Variants in CHI3L2 observed in about 807,000 individuals in gnomAD.
The protein encoded by CHI3L2 is chitinase-3-like protein 2.
A neutral mutation model predicts 47.3 loss-of-function variants in CHI3L2; 47 were observed. That is an observed-to-expected ratio of 0.99 (90% CI 0.79 to 1.27). The LOEUF (loss-of-function observed/expected upper bound fraction) is 1.27. CHI3L2 is among the 50% of genes most tolerant of loss of function. The pLI is 0.00. For synonymous variants in CHI3L2, 198 were observed against 169.9 expected (o/e 1.17, Z -1.28); for missense variants, 497 against 462.1 (o/e 1.08, Z -0.69).
In CHI3L2 at chr1:111,241,526, G is replaced by T. The variant is rs2764551; in HGVS notation, c.1035+83G>T. The T allele has an allele frequency of 1.4e-4, 108 of 755,392 alleles. No individual in the cohort carries two copies. The African/African-American group carries it at 1.7e-3, about 12-fold the overall frequency. The allele number at this position is 755,392 out of a possible 1,614,324, so 46.8% of individuals were successfully genotyped here. ...TGCCTGAATACTCTATGTTCAAAGA[G>T]AGAAGCTTCTGAGGCCCCAGACTCT... is the stretch of plus-strand genomic sequence containing the variant. On this transcript the variant is annotated intron_variant, in intron 9 of 10. Transcript: ENST00000369748.
intron 7 of CHI3L2, among the ~76,000 whole-genome samples, chr1:111,237,075 G>T (rs1164022394): frequency 3.9e-5 from 6 of 152,210 alleles, no homozygotes; most frequent in African/African-American, 1.4e-4. Flanking sequence ...CTTAGGTTTT[G>T]CAACAGTGAT....
intron 4 of CHI3L2, among the ~76,000 whole-genome samples, chr1:111,231,741 G>A (rs949825277): frequency 1.3e-5 from 2 of 152,210 alleles, no homozygotes; most frequent in East Asian, 1.9e-4. Context: ...CAATGTCTGG[G>A]ATCATGGCTG....
intron 1 of CHI3L2, among the ~76,000 whole-genome samples, chr1:111,228,858 G>T (rs1311321184): frequency 2.6e-5 from 4 of 152,306 alleles, no homozygotes; most frequent in African/African-American, 9.6e-5. Context: ...GGATCCAGGG[G>T]TCTGCTCTTT....
chr1:111,242,163 T>C (rs1324645360), intron 9 of CHI3L2, 64 bp from the exon 10 acceptor site: 4 of 1,605,478 alleles, frequency 2.5e-6, no homozygotes, highest in African/African-American at 1.3e-5. Flanking sequence ...CTGAACCTGA[T>C]ATGGTCCTGG....
rs200826910 is a variant in CHI3L2 at position 111,236,079 on chromosome 1, C to T, written c.661C>T (p.Pro221Ser). Reference protein sequence around the residue: ...SFDFHGSWEKPLITGHNSPLS... With the variant: ...SFDFHGSWEKSLITGHNSPLS... ...TGACTTCCATGGGTCTTGGGAAAAGCCCCTTATCACTGGCCACAACAGCCC... is the reference window on the plus strand; with the variant it reads ...TGACTTCCATGGGTCTTGGGAAAAGTCCCTTATCACTGGCCACAACAGCCC... The change falls in exon 7 of 11, where the codon CCC (proline) becomes TCC (serine). Residue 221 changes from proline to serine, a missense_variant. By Grantham distance (74) the Pro-to-Ser change is moderately conservative (BLOSUM62 -1). Coordinates refer to ENST00000369748, the MANE Select transcript of CHI3L2 (RefSeq NM_004000.3). 4.0e-5 allele frequency: 64 copies of T among 1,614,214 alleles called. 1 individual carries two copies. The Admixed American group carries it at 1.0e-3, about 26-fold the overall frequency.
Position 111,238,838 on chromosome 1 carries a change from T to C in CHI3L2, c.824T>C (p.Leu275Pro). 6.2e-7 allele frequency: 1 copy of C among 1,614,018 alleles called. No individual in the cohort carries two copies. The highest frequency in any genetic ancestry group is 1.1e-5 in the South Asian group (1 of 91,046). ...CCCACATATGGGCACTCCTTCACACTGGCCTCTGCAGAAACCACCGTGGGG... is the reference window on the plus strand; with the variant it reads ...CCCACATATGGGCACTCCTTCACACCGGCCTCTGCAGAAACCACCGTGGGG... ...GIPTYGHSFTLASAETTVGAP... is the reference protein window; with the variant it reads ...GIPTYGHSFTPASAETTVGAP... Residue 275 changes from leucine (L) to proline (P), a missense_variant, in exon 8 of 11, where the codon CTG becomes CCG. Physicochemically the swap from Leu to Pro is moderately conservative, Grantham distance 98. Coordinates refer to ENST00000369748, the MANE Select transcript of CHI3L2 (RefSeq NM_004000.3).
chr1:111,240,292 G>T (rs950345566), intron 8 of CHI3L2, among the ~76,000 whole-genome samples: 2 of 152,172 alleles, frequency 1.3e-5, no homozygotes, highest in African/African-American at 4.8e-5. Flanking sequence ...CTTACACATA[G>T]GAATGATTGG....
Position 111,235,018 on chromosome 1 carries a change from A to G in CHI3L2, c.441A>G (p.Pro147=), listed in dbSNP as rs1659836868. ...GACTGGATGTAAGCTGGATCTACCC[A>G]GATCAGAAAGAAAACACTCATTTCA... ...FDGLDVSWIY[P]DQKENTHFTV... Residue 147 remains proline, a synonymous_variant, in exon 5 of 11, where the codon CCA becomes CCG. Coordinates refer to ENST00000369748, the MANE Select transcript of CHI3L2 (RefSeq NM_004000.3). The G allele has an allele frequency of 3.1e-6, 5 of 1,614,150 alleles. No individual in the cohort carries two copies. The East Asian group carries it at 1.1e-4, about 36-fold the overall frequency.
rs752169231 is a variant in CHI3L2 at position 111,236,122 on chromosome 1, A to G, written c.704A>G (p.Gln235Arg). 1.2e-5 allele frequency: 19 copies of G among 1,614,206 alleles called. 1 individual carries two copies. The South Asian group carries it at 1.9e-4, about 16-fold the overall frequency. Residue 235 changes from glutamine (Q) to arginine (R), a missense_variant, in exon 7 of 11, where the codon CAG becomes CGG. Coordinates refer to ENST00000369748, the MANE Select transcript of CHI3L2 (RefSeq NM_004000.3). ...AACAGCCCTCTGAGCAAGGGGTGGC[A>G]GGACAGAGGGCCAAGCTCCTACTAC... ...GHNSPLSKGW[Q>R]DRGPSSYYNV...
intron 5 of CHI3L2, 81 bp downstream of exon 5, chr1:111,235,138 A>G (rs1238642567): frequency 7.0e-7 from 1 of 1,434,068 alleles, no homozygotes; most frequent in Non-Finnish European, 9.6e-7. Flanking sequence ...CCATGGCCAC[A>G]TTGGGAGACA....
intron 6 of CHI3L2, 24 bp from the exon 7 acceptor site, chr1:111,236,000 C>T: frequency 6.2e-7 from 1 of 1,612,954 alleles, no homozygotes; most frequent in East Asian, 2.2e-5. Flanking sequence ...CACAAAATCT[C>T]TCCCATTGCT....
Position 111,230,754 on chromosome 1 carries a change from A to G in CHI3L2, c.83A>G (p.Lys28Arg), listed in dbSNP as rs771989912. The change falls in exon 3 of 11, where the codon AAA becomes AGA. Residue 28 changes from lysine (K) to arginine (R), a missense_variant. Physicochemically the swap from Lys to Arg is conservative, Grantham distance 26 (BLOSUM62 2). Coordinates refer to ENST00000369748, the MANE Select transcript of CHI3L2 (RefSeq NM_004000.3). ...CACTCTACTCCAGGATCTGCCTACA[A>G]ACTGGTTTGCTACTTTACCAACTGG... The part of the protein sequence containing the change: ...LLLLQGGSAY[K>R]LVCYFTNWSQ... 1.2e-6 allele frequency: 2 copies of G among 1,614,098 alleles called. No homozygotes were observed. The highest frequency in any genetic ancestry group is 8.5e-7 in the Non-Finnish European group (1 of 1,179,990).
rs567028150 is a variant in CHI3L2 at position 111,235,801 on chromosome 1, C to T, written c.605+38C>T. On this transcript the variant is annotated intron_variant, in intron 6 of 10. Coordinates refer to ENST00000369748, the MANE Select transcript of CHI3L2 (RefSeq NM_004000.3). ...GAGCAACTTTCCATCCCTCTGCTTC[C>T]AATTTGGTCCATGCAAATGATGCAT... 9 of 1,605,336 alleles carry T rather than the reference C, an allele frequency of 5.6e-6. No homozygotes were observed. In the East Asian group the frequency reaches 2.0e-4, roughly 36 times the overall value.
intron 4 of CHI3L2, 175 bp downstream of exon 4, chr1:111,231,469 G>A (rs989539174): frequency 3.6e-6 from 2 of 559,752 alleles, no homozygotes; most frequent in Non-Finnish European, 6.3e-6. Flanking sequence ...GGTTTCCTGG[G>A]GTCTTTGAAG....
intron 6 of CHI3L2, 65 bp from the exon 7 acceptor site, chr1:111,235,959 A>G (rs1659874345): frequency 1.9e-6 from 3 of 1,594,638 alleles, no homozygotes; most frequent in Non-Finnish European, 2.6e-6. Flanking sequence ...AGCCAAAACA[A>G]TTACTTACAA....
Position 111,242,277 on chromosome 1 carries a change from T to C in CHI3L2, c.1086T>C (p.Ile362=), listed in dbSNP as rs765502934. 1.9e-6 allele frequency: 3 copies of C among 1,614,148 alleles called. No homozygotes were observed. The South Asian group carries it at 3.3e-5, about 18-fold the overall frequency. ...TGGGAGGAGCCATGATCTGGTCTAT[T>C]GACATGGATGACTTCACTGGCAAAT... The part of the protein sequence containing the change: ...LNLGGAMIWS[I]DMDDFTGKSC... Residue 362 remains isoleucine (I), a synonymous_variant, in exon 10 of 11, where the codon ATT becomes ATC. Coordinates refer to ENST00000369748, the MANE Select transcript of CHI3L2 (RefSeq NM_004000.3).
chr1:111,236,173 C>T lies in CHI3L2; in HGVS notation c.735+20C>T, dbSNP rs370645829. 48 of 1,613,240 alleles carry T rather than the reference C, an allele frequency of 3.0e-5. No homozygotes were observed. The highest frequency in any genetic ancestry group is 1.5e-4 in the Admixed American group (9 of 59,942). ...AATGTGGTGAGTAGGCCAGGGGAACCGCAGGGGTACTGGCTGTGGGGGTGG... is the reference window on the plus strand; with the variant it reads ...AATGTGGTGAGTAGGCCAGGGGAACTGCAGGGGTACTGGCTGTGGGGGTGG... On this transcript the variant is annotated intron_variant, in intron 7 of 10. Coordinates refer to ENST00000369748, the MANE Select transcript of CHI3L2 (RefSeq NM_004000.3).
intron 8 of CHI3L2, 110 bp downstream of exon 8, chr1:111,239,042 C>T: frequency 9.4e-7 from 1 of 1,067,704 alleles, no homozygotes; most frequent in Non-Finnish European, 1.3e-6. Context: ...GGGGAAAGGG[C>T]AGAGTACTAC....
At chr1:111,235,083 G>A (rs753774620) in intron 5 of CHI3L2, 26 bp downstream of exon 5, 2 of 1,611,048 alleles carry the variant, frequency 1.2e-6, no homozygotes, top group African/African-American at 2.7e-5. Context: ...AGTAATTCAT[G>A]TGAGTCAGAT....
Sources: gnomAD v4.1 joint callset for allele counts (sites outside exome capture counted in the v4.1 genomes callset) on GRCh38, gnomAD v4.1.1 for gene constraint, MANE v1.5 for transcripts, NCBI Gene and HGNC (gene_info 2026-07-23, HGNC 2026-07-21) for gene names.